Variants in ARHGAP24 observed in about 807,000 individuals in gnomAD.
ARHGAP24 encodes rho GTPase-activating protein 24.
In ARHGAP24, 50 loss-of-function variants were observed where a neutral mutation model predicts 76.4. The ratio of observed to expected loss-of-function variants is 0.65; its 90% confidence interval spans 0.52 to 0.83. The LOEUF (loss-of-function observed/expected upper bound fraction) is 0.83. Ranked by LOEUF, ARHGAP24 falls within the 40% of genes least tolerant of loss-of-function variation. The probability of loss-of-function intolerance (pLI) is 0.00; values close to 1 mark genes in which losing one functional copy is unlikely to be tolerated. For synonymous variants in ARHGAP24, 345 were observed against 323.3 expected, an observed-to-expected ratio of 1.07 and a Z score of -0.72; for missense variants, 930 against 914.2, an observed-to-expected ratio of 1.02 and a Z score of -0.22.
intron 1 of ARHGAP24, among the ~76,000 whole-genome samples, chr4:85,487,864 TTATA>T (rs1723186576): frequency 8.1e-6 from 1 of 123,934 alleles, no homozygotes; most frequent in Non-Finnish European, 1.6e-5. Flanking sequence ...ATTATATATA[TTATA>T]TAAATATATA....
rs1207593893 is a variant in ARHGAP24, at chr4:85,570,609, G to A, written c.68G>A (p.Cys23Tyr). 2 of 1,614,136 alleles carry A rather than the reference G, an allele frequency of 1.2e-6. No individual in the cohort carries two copies. Among genetic ancestry groups the A allele is most frequent in the Non-Finnish European group, 1.7e-6 (2 of 1,180,028 alleles). ...QGQGRQNAIK[C>Y]GWLRKQGGFV... is the part of the protein sequence containing the mutation. ...CAAGGGCGGCAGAATGCCATCAAGT[G>A]TGGGTGGCTGAGGAAGCAAGGAGGC... Residue 23 changes from cysteine (C) to tyrosine (Y), a missense_variant, in exon 2 of 10, where the codon TGT becomes TAT. Coordinates refer to ENST00000395184, the MANE Select transcript of ARHGAP24 (RefSeq NM_001025616.3).
intron 3 of ARHGAP24, among the ~76,000 whole-genome samples, chr4:85,918,597 ACACATTT>A (rs1397770588): frequency 6.6e-6 from 1 of 152,076 alleles, no homozygotes; most frequent in Non-Finnish European, 1.5e-5. Flanking sequence ...ATTTTTTATT[ACACATTT>A]CTTAGTCTAT....
chr4:85,793,985 A>G (rs965838199), intron 3 of ARHGAP24, among the ~76,000 whole-genome samples: 2 of 152,234 alleles, frequency 1.3e-5, no homozygotes, highest in Non-Finnish European at 1.5e-5. Context: ...GACTAAGAAG[A>G]GTTGTCATAC....
intron 2 of ARHGAP24, among the ~76,000 whole-genome samples, chr4:85,597,601 TA>T (rs1184029827): frequency 7.0e-6 from 1 of 143,748 alleles, no homozygotes; most frequent in African/African-American, 2.6e-5. Flanking sequence ...TTTGAAAATA[TA>T]ACATTTATAA....
intron 3 of ARHGAP24, among the ~76,000 whole-genome samples, chr4:85,738,608 T>C (rs1029132405): frequency 6.6e-6 from 1 of 152,112 alleles, no homozygotes; most frequent in South Asian, 2.1e-4. Context: ...CCTTCTGTCA[T>C]GTCTAAGCAG....
At chr4:85,785,331 A>T (rs1047962970) in intron 3 of ARHGAP24, among the ~76,000 whole-genome samples, 1 of 152,208 alleles carries the variant, frequency 6.6e-6, no homozygotes, top group East Asian at 1.9e-4. Context: ...TCTGAGTTCA[A>T]TTTGGGTTTT....
chr4:85,850,657 C>A (rs971045894), intron 3 of ARHGAP24, among the ~76,000 whole-genome samples: 1 of 152,142 alleles, frequency 6.6e-6, no homozygotes, highest in Non-Finnish European at 1.5e-5. Context: ...TGTCTTTGTT[C>A]TCATTGGTTT....
At chr4:85,539,880 C>T (rs373063007) in intron 1 of ARHGAP24, among the ~76,000 whole-genome samples, 43 of 152,010 alleles carry the variant, frequency 2.8e-4, no homozygotes, top group African/African-American at 8.2e-4. Flanking sequence ...ATTGTGAACC[C>T]GCATCTCTAC....
intron 3 of ARHGAP24, among the ~76,000 whole-genome samples, chr4:85,737,481 T>C (rs537418009): frequency 6.6e-6 from 1 of 152,344 alleles, no homozygotes; most frequent in East Asian, 1.9e-4. Context: ...GGGCTCAGTC[T>C]AATGGTCACT....
At chr4:85,574,896 TG>T (rs1227460752) in intron 2 of ARHGAP24, among the ~76,000 whole-genome samples, 2 of 152,210 alleles carry the variant, frequency 1.3e-5, no homozygotes, top group African/African-American at 4.8e-5. Flanking sequence ...TTCAACAACC[TG>T]CCCAAATTTG....
intron 3 of ARHGAP24, among the ~76,000 whole-genome samples, chr4:85,869,264 C>T (rs1732390910): frequency 6.6e-6 from 1 of 152,116 alleles, no homozygotes; most frequent in Admixed American, 6.6e-5. Context: ...GTCTTTCCCC[C>T]TTGAACAACA....
intron 1 of ARHGAP24, among the ~76,000 whole-genome samples, chr4:85,498,362 C>T: frequency 6.6e-6 from 1 of 152,214 alleles, no homozygotes; most frequent in East Asian, 1.9e-4. Flanking sequence ...TTTAAGCCAA[C>T]ACTAGAGAGA....
At chr4:85,788,051 G>C (rs1464504643) in intron 3 of ARHGAP24, among the ~76,000 whole-genome samples, 3 of 152,162 alleles carry the variant, frequency 2.0e-5, no homozygotes, top group Non-Finnish European at 4.4e-5. Flanking sequence ...AGTGGTGAGA[G>C]AGACAAATCC....
chr4:85,805,632 G>A (rs1316935717), intron 3 of ARHGAP24, among the ~76,000 whole-genome samples: 1 of 152,170 alleles, frequency 6.6e-6, no homozygotes, highest in East Asian at 1.9e-4. Flanking sequence ...TAGCATACTA[G>A]CAAAGGCTTT....
chr4:85,614,279 A>G (rs1720480171), intron 2 of ARHGAP24, among the ~76,000 whole-genome samples: 1 of 152,132 alleles, frequency 6.6e-6, no homozygotes. Context: ...TACCAGTTGT[A>G]TGACATTGGG....
At chr4:85,896,993 C>T (rs1734214555) in intron 3 of ARHGAP24, among the ~76,000 whole-genome samples, 1 of 152,076 alleles carries the variant, frequency 6.6e-6, no homozygotes, top group Non-Finnish European at 1.5e-5. Flanking sequence ...TTTATTGCAA[C>T]TTTTTCACCT....
At chr4:85,553,109 G>A (rs144130005) in intron 1 of ARHGAP24, among the ~76,000 whole-genome samples, 1 of 152,192 alleles carries the variant, frequency 6.6e-6, no homozygotes, top group Non-Finnish European at 1.5e-5. Context: ...TAAAGGCAGT[G>A]CATCCAGAGT....
At chr4:85,565,179 C>T (rs73835215) in intron 1 of ARHGAP24, among the ~76,000 whole-genome samples, 9,699 of 151,340 alleles carry the variant, frequency 0.064, 1,012 homozygotes, top group African/African-American at 0.22. Flanking sequence ...ATTAGCAATA[C>T]CTATAAAATA....
intron 1 of ARHGAP24, among the ~76,000 whole-genome samples, chr4:85,524,991 T>A (rs1184183802): frequency 6.6e-6 from 1 of 152,096 alleles, no homozygotes; most frequent in Non-Finnish European, 1.5e-5. Flanking sequence ...TTGACTGCCT[T>A]TGGGTTCTTG....
Sources: gnomAD v4.1 joint callset for allele counts (sites outside exome capture counted in the v4.1 genomes callset) on GRCh38, gnomAD v4.1.1 for gene constraint, MANE v1.5 for transcripts, NCBI Gene and HGNC (gene_info 2026-07-23, HGNC 2026-07-21) for gene names.